FGF12: variants seen among roughly 807,000 people sequenced by gnomAD.
FGF12 encodes the protein fibroblast growth factor 12B.
In FGF12, 14 loss-of-function variants were observed where a neutral mutation model predicts 23.6. That is an observed-to-expected ratio of 0.59 (90% confidence interval 0.39 to 0.93). The LOEUF is 0.93. Ranked by LOEUF, FGF12 falls within the 40% of genes least tolerant of loss-of-function variation. The pLI is 0.00. For synonymous variants in FGF12, 62 were observed against 77.3 expected (o/e 0.80, Z 1.04); for missense variants, 175 against 217.8 (o/e 0.80, Z 1.24).
At chr3:192,644,057 C>T (rs1407031806) in intron 2 of FGF12, among the ~76,000 whole-genome samples, 1 of 152,166 alleles carries the variant, frequency 6.6e-6, no homozygotes, top group Non-Finnish European at 1.5e-5. Flanking sequence ...AAAGATAAAG[C>T]GACTTACGCA....
chr3:192,400,264 T>C (rs143999372), intron 2 of FGF12, among the ~76,000 whole-genome samples: 6 of 152,300 alleles, frequency 3.9e-5, no homozygotes, highest in Non-Finnish European at 8.8e-5. Flanking sequence ...GGCCAATGAG[T>C]GTTTCTTGAG....
chr3:192,607,847 A>T (rs540939023), intron 2 of FGF12, among the ~76,000 whole-genome samples: 364 of 27,278 alleles, frequency 0.013, 1 homozygote, highest in African/African-American at 0.033. Flanking sequence ...ACTGAAAATT[A>T]AAAAAAAAAA....
chr3:192,170,339 G>T, intron 5 of FGF12, 119 bp downstream of exon 5: 3 of 694,498 alleles, frequency 4.3e-6, no homozygotes, highest in Non-Finnish European at 7.4e-6. Context: ...TATTTCTTTT[G>T]AATCTTTCTT....
intron 4 of FGF12, among the ~76,000 whole-genome samples, chr3:192,271,446 A>C (rs891667288): frequency 2.6e-5 from 4 of 152,196 alleles, no homozygotes; most frequent in African/African-American, 9.6e-5. Flanking sequence ...TACAATAGCA[A>C]GGCAAAGTCT....
intron 4 of FGF12, among the ~76,000 whole-genome samples, chr3:192,183,697 A>C (rs1320181836): frequency 6.6e-6 from 1 of 152,226 alleles, no homozygotes; most frequent in East Asian, 1.9e-4. Flanking sequence ...CTCATCATAG[A>C]ATCCTTGAAA....
intron 2 of FGF12, among the ~76,000 whole-genome samples, chr3:192,391,081 A>G (rs1024072245): frequency 6.6e-6 from 1 of 152,216 alleles, no homozygotes; most frequent in African/African-American, 2.4e-5. Flanking sequence ...GAGTTTATCC[A>G]AGGAGAAACC....
chr3:192,500,470 A>G (rs1724103694), intron 2 of FGF12, among the ~76,000 whole-genome samples: 1 of 152,012 alleles, frequency 6.6e-6, no homozygotes, highest in Admixed American at 6.5e-5. Context: ...CAGAATAGTC[A>G]GGCAATTTCT....
At chr3:192,586,018 G>T (rs2108617907) in intron 2 of FGF12, among the ~76,000 whole-genome samples, 1 of 150,970 alleles carries the variant, frequency 6.6e-6, no homozygotes, top group Non-Finnish European at 1.5e-5. Flanking sequence ...GGAAAGTGGG[G>T]AATAGTCCAT....
chr3:192,591,606 C>T (rs1229421684), intron 2 of FGF12, among the ~76,000 whole-genome samples: 1 of 151,822 alleles, frequency 6.6e-6, no homozygotes, highest in East Asian at 1.9e-4. Context: ...AGGCTGAAGT[C>T]TTCTTTCTCA....
chr3:192,671,684 T>C (rs1035867087), intron 2 of FGF12, among the ~76,000 whole-genome samples: 5 of 152,036 alleles, frequency 3.3e-5, no homozygotes, highest in Non-Finnish European at 7.4e-5. Flanking sequence ...GGATAACTCT[T>C]TATACCTTGG....
At chr3:192,400,290 T>A (rs1262798657) in intron 2 of FGF12, among the ~76,000 whole-genome samples, 1 of 151,870 alleles carries the variant, frequency 6.6e-6, no homozygotes, top group Non-Finnish European at 1.5e-5. Context: ...AAGAATAAAG[T>A]AAACAGCCTT....
intron 2 of FGF12, among the ~76,000 whole-genome samples, chr3:192,617,279 C>T (rs1348541179): frequency 6.6e-6 from 1 of 152,012 alleles, no homozygotes; most frequent in African/African-American, 2.4e-5. Context: ...TTGGAAAAAA[C>T]ATAATGGTGT....
intron 2 of FGF12, among the ~76,000 whole-genome samples, chr3:192,435,324 G>A (rs1721983214): frequency 6.6e-6 from 1 of 152,062 alleles, no homozygotes; most frequent in African/African-American, 2.4e-5. Context: ...TGTAATTACT[G>A]CTAAAGGAAA....
chr3:192,487,753 T>G (rs1723678013), intron 2 of FGF12, among the ~76,000 whole-genome samples: 1 of 152,166 alleles, frequency 6.6e-6, no homozygotes, highest in African/African-American at 2.4e-5. Flanking sequence ...GAAGCCTGTT[T>G]CTAGTTTTAT....
chr3:192,281,156 C>T (rs1714118659), intron 4 of FGF12, among the ~76,000 whole-genome samples: 1 of 152,152 alleles, frequency 6.6e-6, no homozygotes, highest in Admixed American at 6.6e-5. Flanking sequence ...TCTCACAGTT[C>T]TGAAGGCCAG....
chr3:192,684,062 T>C (rs1425567395), intron 2 of FGF12, among the ~76,000 whole-genome samples: 2 of 151,868 alleles, frequency 1.3e-5, no homozygotes, highest in African/African-American at 2.4e-5. Context: ...CTAAGAGTCA[T>C]CTTGGGAGTG....
intron 4 of FGF12, among the ~76,000 whole-genome samples, chr3:192,227,979 G>T (rs906868042): frequency 1.3e-5 from 2 of 152,094 alleles, no homozygotes; most frequent in African/African-American, 2.4e-5. Context: ...TTGTTTAGAA[G>T]AAATAAAGAT....
rs1268781581 is a variant in FGF12, at chr3:192,514,932, A to ACGCGGAAGTGCCGGTC, written c.14-154410_14-154395dup. 1 of 942,606 alleles carries ACGCGGAAGTGCCGGTC rather than the reference A, an allele frequency of 1.1e-6. No homozygotes were observed. Among genetic ancestry groups the ACGCGGAAGTGCCGGTC allele is most frequent in the Non-Finnish European group, 1.3e-6 (1 of 791,102 alleles). The allele number at this position is 942,606 out of a possible 1,614,324, so 58.4% of individuals were successfully genotyped here. On this transcript the variant is annotated intron_variant, in intron 2 of 5. Coordinates refer to ENST00000445105, the MANE Select transcript of FGF12 (RefSeq NM_004113.6). The surrounding 1 kb of genome is among the most constrained non-coding windows in gnomAD (Gnocchi z 4.9). ...GGGCGCCGGCAGGGGGCGGGCCGGG[A>ACGCGGAAGTGCCGGTC]CGCGGAAGTGCCGGTCCGCCGGGGG... is the stretch of plus-strand genomic sequence containing the variant.
chr3:192,175,355 T>C (rs1715802208), intron 4 of FGF12, among the ~76,000 whole-genome samples: 1 of 152,174 alleles, frequency 6.6e-6, no homozygotes, highest in Admixed American at 6.5e-5. Context: ...CCTATAGTCT[T>C]GAGCCCTCAG....
Sources: allele counts gnomAD v4.1 joint callset (sites outside exome capture counted in the v4.1 genomes callset), GRCh38; gene constraint gnomAD v4.1.1; non-coding constraint Gnocchi (gnomAD v3.1); transcripts MANE v1.5; gene names NCBI Gene and HGNC (gene_info 2026-07-23, HGNC 2026-07-21).